The following SP2 variants were observed in gnomAD, a reference collection of about 807,000 sequenced individuals.
SP2 encodes Sp2 transcription factor, also known as transcription factor Sp2.
A neutral mutation model predicts 50.1 loss-of-function variants in SP2; 9 were observed. The ratio of observed to expected loss-of-function variants is 0.18; its 90% CI spans 0.11 to 0.31. The LOEUF (loss-of-function observed/expected upper bound fraction) is 0.31, where lower values mean the gene tolerates loss of function less well. Ranked by LOEUF, SP2 falls within the 10% of genes least tolerant of loss-of-function variation. SP2 has a pLI of 1.00. For synonymous variants in SP2, 313 were observed against 326.6 expected (o/e 0.96, Z 0.45); for missense variants, 581 against 806.5 (o/e 0.72, Z 3.39).
At chr17:47,927,421 T>C (rs1354923359) in intron 6 of SP2, among the ~76,000 whole-genome samples, 3 of 150,938 alleles carry the variant, frequency 2.0e-5, no homozygotes, top group Admixed American at 6.6e-5. Context: ...TAGTCCCAGC[T>C]ATTTGAGAGG....
At chr17:47,924,821 C>T in intron 4 of SP2, 98 bp from the exon 5 acceptor site, 3 of 1,140,998 alleles carry the variant, frequency 2.6e-6, no homozygotes, top group Non-Finnish European at 2.5e-6. Context: ...AAAATAGCTG[C>T]TGTGATTATC....
intron 3 of SP2, among the ~76,000 whole-genome samples, chr17:47,921,330 C>T (rs890425495): frequency 4.6e-5 from 7 of 152,172 alleles, no homozygotes; most frequent in African/African-American, 1.7e-4. Context: ...CTCACTGCAA[C>T]CTCCACCTCC....
intron 3 of SP2, among the ~76,000 whole-genome samples, chr17:47,919,323 T>C (rs1203194587): frequency 6.6e-6 from 1 of 152,102 alleles, no homozygotes; most frequent in Non-Finnish European, 1.5e-5. Context: ...GGTGGGAGGA[T>C]CACTTGAACC....
intron 1 of SP2, among the ~76,000 whole-genome samples, chr17:47,914,237 GGTACATGCCT>G (rs922229413): frequency 4.6e-5 from 7 of 152,148 alleles, no homozygotes; most frequent in Admixed American, 4.6e-4. Context: ...TGGGCATGGT[GGTACATGCCT>G]GTAATCCTAG....
At chr17:47,907,672 A>G (rs1380869838) in intron 1 of SP2, among the ~76,000 whole-genome samples, 1 of 152,254 alleles carries the variant, frequency 6.6e-6, no homozygotes, top group African/African-American at 2.4e-5. Context: ...AACTACTGTT[A>G]AAACCAAGTG....
intron 1 of SP2, among the ~76,000 whole-genome samples, chr17:47,912,338 C>T (rs538593780): frequency 3.8e-4 from 58 of 152,222 alleles, no homozygotes; most frequent in African/African-American, 1.4e-3. Flanking sequence ...CTCCCCTCCT[C>T]TGGAGTATAG....
At chr17:47,914,180 GA>G (rs1186938973) in intron 1 of SP2, among the ~76,000 whole-genome samples, 2 of 152,210 alleles carry the variant, frequency 1.3e-5, no homozygotes, top group Non-Finnish European at 2.9e-5. Context: ...AGAACAGCCT[GA>G]CCAACATGGT....
At position 47,916,206 on chromosome 17, in the gene SP2, T is replaced by A; in HGVS notation, c.135T>A (p.Ile45=). 1 of 1,613,856 alleles carries A rather than the reference T, an allele frequency of 6.2e-7. No individual in the cohort carries two copies. Among genetic ancestry groups the A allele is most frequent in the Non-Finnish European group, 8.5e-7 (1 of 1,179,898 alleles). Residue 45 remains isoleucine (I), a synonymous_variant, in exon 3 of 7, where the codon ATT becomes ATA. Coordinates refer to ENST00000376741, the MANE Select transcript of SP2 (RefSeq NM_003110.6). The surrounding 1 kb of genome is among the most constrained non-coding windows in gnomAD (Gnocchi z 4.7). The part of the protein sequence containing the change: ...LALLAATCSK[I]GPPAVEAAVT... ...TGCTTGCTGCAACATGTAGCAAAAT[T>A]GGCCCTCCAGCAGTTGAAGCTGCTG...
At chr17:47,913,035 C>G (rs941841294) in intron 1 of SP2, among the ~76,000 whole-genome samples, 3 of 150,586 alleles carry the variant, frequency 2.0e-5, no homozygotes, top group Non-Finnish European at 4.4e-5. Context: ...AATTTTTTGT[C>G]TTTTTAGTAG....
intron 6 of SP2, 118 bp downstream of exon 6, chr17:47,925,659 A>G: frequency 1.3e-6 from 1 of 756,770 alleles, no homozygotes; most frequent in Non-Finnish European, 2.2e-6. Context: ...ACACTGAGCA[A>G]AAGCTACAGA....
intron 1 of SP2, among the ~76,000 whole-genome samples, chr17:47,902,163 G>A (rs540068736): frequency 4.6e-5 from 7 of 152,194 alleles, no homozygotes; most frequent in African/African-American, 1.4e-4. Context: ...GAGGGGAGGA[G>A]GGTGAGAACT....
Position 47,916,180 on chromosome 17 carries a change from C to T in SP2, c.109C>T (p.Leu37=), listed in dbSNP as rs1226244334. ...TQDSQPSPLA[L]LAATCSKIGP... ...GGACTCCCAGCCATCTCCCTTAGCC[C>T]TGCTTGCTGCAACATGTAGCAAAAT... Residue 37 remains leucine, a synonymous_variant, in exon 3 of 7, where the codon CTG becomes TTG. Coordinates refer to ENST00000376741, the MANE Select transcript of SP2 (RefSeq NM_003110.6). This position sits in a 1 kb window ranked among gnomAD's most constrained non-coding sequence, Gnocchi z 4.7. 3 of 1,612,368 alleles carry T rather than the reference C, an allele frequency of 1.9e-6. No individual in the cohort carries two copies. The highest frequency in any genetic ancestry group is 2.5e-6 in the Non-Finnish European group (3 of 1,178,984).
In SP2 at chr17:47,928,217, C is replaced by T. The variant is rs749524410; in HGVS notation, c.*393C>T. On this transcript the variant is annotated 3_prime_UTR_variant, in exon 7 of 7. Coordinates refer to ENST00000376741, the MANE Select transcript of SP2 (RefSeq NM_003110.6). ...ACTGCCGGAGTCGCGTCATGCCATG[C>T]CCCCTCTCCTGCACCTCCCTGGCCC... is the stretch of plus-strand genomic sequence containing the variant. The T allele has an allele frequency of 2.2e-4, 39 of 181,214 alleles. No individual in the cohort carries two copies. The Middle Eastern group carries it at 7.6e-3, about 35-fold the overall frequency. 11.2% of individuals were successfully genotyped at this position (181,214 alleles called of 1,614,324 possible).
At chr17:47,926,751 C>A (rs2035665287) in intron 6 of SP2, among the ~76,000 whole-genome samples, 1 of 151,746 alleles carries the variant, frequency 6.6e-6, no homozygotes, top group Non-Finnish European at 1.5e-5. Context: ...TAGCGGGAGC[C>A]CATCTCTTAA....
intron 3 of SP2, among the ~76,000 whole-genome samples, chr17:47,921,077 A>G (rs2035438435): frequency 6.6e-6 from 1 of 152,168 alleles, no homozygotes. Flanking sequence ...ATCCTGTTGT[A>G]GCATGTGTCT....
At chr17:47,907,762 G>C (rs2034821409) in intron 1 of SP2, among the ~76,000 whole-genome samples, 1 of 152,090 alleles carries the variant, frequency 6.6e-6, no homozygotes, top group Admixed American at 6.5e-5. Flanking sequence ...CACCATTTAG[G>C]CTCGCTTTAA....
At chr17:47,927,620 C>A in intron 6 of SP2, 104 bp from the exon 7 acceptor site, 1 of 676,606 alleles carries the variant, frequency 1.5e-6, no homozygotes. Flanking sequence ...GGTGACAAGG[C>A]CATGTCAGCT....
At chr17:47,896,452 C>A in intron 1 of SP2, 159 bp downstream of exon 1, 1 of 548,904 alleles carries the variant, frequency 1.8e-6, no homozygotes, top group Non-Finnish European at 2.7e-6. Context: ...GGGAGGATTC[C>A]CGCCCGGAGG....
intron 1 of SP2, 48 bp downstream of exon 1, chr17:47,896,341 A>G: frequency 8.1e-7 from 1 of 1,231,214 alleles, no homozygotes; most frequent in Non-Finnish European, 1.0e-6. Flanking sequence ...CCCAAGGGTC[A>G]GGAAGACGGG....
Sources: gnomAD v4.1 joint callset for allele counts (sites outside exome capture counted in the v4.1 genomes callset) on GRCh38, gnomAD v4.1.1 for gene constraint, Gnocchi (gnomAD v3.1) non-coding constraint, MANE v1.5 for transcripts, NCBI Gene and HGNC (gene_info 2026-07-23, HGNC 2026-07-21) for gene names.